The following SOX5 variants were observed in gnomAD, a reference collection of about 807,000 sequenced individuals.
The protein encoded by SOX5 is SRY-box transcription factor 5, also known as transcription factor SOX-5.
A neutral mutation model predicts 92.0 loss-of-function variants in SOX5; 9 were observed. The observed-to-expected ratio is 0.10, with a 90% CI of 0.06 to 0.17. The LOEUF is 0.17. Ranked by LOEUF, SOX5 falls within the 10% of genes least tolerant of loss-of-function variation. The pLI is 1.00. For missense variants in SOX5, 642 were observed against 944.5 expected (o/e 0.68, Z 4.20); for synonymous variants, 344 against 336.3 (o/e 1.02, Z -0.25).
At chr12:24,282,849 A>G (rs1315268238) in intron 2 of SOX5, among the ~76,000 whole-genome samples, 2 of 152,182 alleles carry the variant, frequency 1.3e-5, no homozygotes, top group Non-Finnish European at 2.9e-5. Context: ...CTTGCCATCC[A>G]TTCTTTAAAA....
chr12:24,457,462 A>AT (rs1651817329), intron 1 of SOX5, among the ~76,000 whole-genome samples: 1 of 152,136 alleles, frequency 6.6e-6, no homozygotes, highest in Non-Finnish European at 1.5e-5. Flanking sequence ...AATCTAAGTA[A>AT]TTTTTTAAGA....
chr12:23,676,007 T>C (rs2085621608), intron 6 of SOX5, among the ~76,000 whole-genome samples: 1 of 152,000 alleles, frequency 6.6e-6, no homozygotes, highest in Non-Finnish European at 1.5e-5. Flanking sequence ...GGCAAGCGTA[T>C]AGAGAAAAGG....
At chr12:24,308,590 T>C (rs1025377725) in intron 2 of SOX5, among the ~76,000 whole-genome samples, 15 of 152,176 alleles carry the variant, frequency 9.9e-5, no homozygotes, top group Admixed American at 9.8e-4. Flanking sequence ...GTGACTTGGA[T>C]AACACTACTA....
intron 8 of SOX5, among the ~76,000 whole-genome samples, chr12:23,620,339 C>T (rs1297692265): frequency 6.6e-6 from 1 of 151,956 alleles, no homozygotes; most frequent in Non-Finnish European, 1.5e-5. Context: ...CAAGATTAGT[C>T]TAGACATAAT....
chr12:24,446,044 A>C lies in SOX5; in HGVS notation c.-250-77405T>G, dbSNP rs150950757. Reference sequence around the variant, plus strand: ...TAAGTGCTACTCAGAAGAAATCATGAGGCCTTTTGCAACCAGCATTTAACA... The same window carrying C: ...TAAGTGCTACTCAGAAGAAATCATGCGGCCTTTTGCAACCAGCATTTAACA... On this transcript the variant is annotated intron_variant, in intron 1 of 4. Coordinates refer to the SOX5 transcript ENST00000446891. Among the ~76,000 whole-genome samples, 574 of 152,308 alleles carry C rather than the reference A, an allele frequency of 3.8e-3. 5 individuals are homozygous for C. Among genetic ancestry groups the C allele is most frequent in the African/African-American group, 0.013 (534 of 41,572 alleles).
chr12:23,616,180 G>A (rs936982460), intron 8 of SOX5, among the ~76,000 whole-genome samples: 31 of 152,164 alleles, frequency 2.0e-4, no homozygotes, highest in African/African-American at 5.6e-4. Flanking sequence ...CTAAGGTGAC[G>A]CCTGGAAAAA....
intron 2 of SOX5, chr12:24,368,554 T>C (rs1566001952): frequency 1.3e-5 from 2 of 152,180 alleles, no homozygotes; most frequent in Admixed American, 6.6e-5. Context: ...GAATAAACAT[T>C]GTACATACCC....
intron 4 of SOX5, among the ~76,000 whole-genome samples, chr12:24,112,293 A>AT (rs1947448751): frequency 6.6e-6 from 1 of 152,204 alleles, no homozygotes; most frequent in Non-Finnish European, 1.5e-5. Flanking sequence ...AAAAAGTTTT[A>AT]TGGAAACATA....
chr12:23,873,905 T>C (rs1471445660), intron 2 of SOX5, among the ~76,000 whole-genome samples: 4 of 152,288 alleles, frequency 2.6e-5, no homozygotes, highest in African/African-American at 7.2e-5. Flanking sequence ...ATTTTTCCAA[T>C]ACTTTGATTA....
At chr12:24,558,778 C>G (rs1373988237) in intron 1 of SOX5, among the ~76,000 whole-genome samples, 1 of 152,154 alleles carries the variant, frequency 6.6e-6, no homozygotes, top group Non-Finnish European at 1.5e-5. Flanking sequence ...AAGTAAACAA[C>G]AAAGACCCCA....
chr12:24,256,072 A>G (rs1007597441), intron 3 of SOX5, among the ~76,000 whole-genome samples: 2 of 152,240 alleles, frequency 1.3e-5, no homozygotes, highest in Non-Finnish European at 2.9e-5. Flanking sequence ...CAGTTTGCTC[A>G]AAGTGTGCAA....
At chr12:24,247,221 A>C (rs1348026326) in intron 3 of SOX5, among the ~76,000 whole-genome samples, 1 of 141,352 alleles carries the variant, frequency 7.1e-6, no homozygotes, top group East Asian at 2.1e-4. Context: ...CTGTTAGTTT[A>C]GAAGGGAGAT....
rs1946544719 is a variant in SOX5, at chr12:23,563,388, T to C, written c.1358A>G (p.His453Arg). Reference protein sequence around the residue: ...RVSTIGYLNDHDAVTKAIQEA... With the variant: ...RVSTIGYLNDRDAVTKAIQEA... Reference sequence around the variant, plus strand: ...TTGGATTGCCTTGGTGACAGCATCATGGTCATTTAAGTAACCTGAACATGA... The same window carrying C: ...TTGGATTGCCTTGGTGACAGCATCACGGTCATTTAAGTAACCTGAACATGA... Residue 453 changes from histidine to arginine, a missense_variant, in exon 11 of 15, where the codon CAT becomes CGT. Physicochemically the swap from His to Arg is conservative, Grantham distance 29. Around this residue, in one of 8 missense-constraint regions of SOX5, gnomAD observed 324 missense variants for 461.6 expected, o/e 0.70. Transcript: ENST00000451604. The C allele has an allele frequency of 1.9e-6, 3 of 1,613,974 alleles. No homozygotes were observed. Among genetic ancestry groups the C allele is most frequent in the South Asian group, 2.2e-5 (2 of 91,070 alleles).
intron 4 of SOX5, among the ~76,000 whole-genome samples, chr12:24,076,159 G>C (rs1942561843): frequency 6.6e-6 from 1 of 152,044 alleles, no homozygotes; most frequent in Non-Finnish European, 1.5e-5. Flanking sequence ...ATCTGGGTTT[G>C]GGTGGCTTGT....
At chr12:24,177,751 A>C (rs1954984675) in intron 4 of SOX5, among the ~76,000 whole-genome samples, 1 of 151,500 alleles carries the variant, frequency 6.6e-6, no homozygotes, top group African/African-American at 2.4e-5. Flanking sequence ...TAACACTCAC[A>C]GGGTCACTAG....
intron 1 of SOX5, among the ~76,000 whole-genome samples, chr12:24,528,227 T>A (rs1566397243): frequency 6.6e-6 from 1 of 152,236 alleles, no homozygotes; most frequent in Admixed American, 6.5e-5. Flanking sequence ...CAAGATCTCA[T>A]TTATACAAAG....
At chr12:24,506,243 T>C (rs1948730738) in intron 1 of SOX5, among the ~76,000 whole-genome samples, 2 of 152,274 alleles carry the variant, frequency 1.3e-5, no homozygotes, top group East Asian at 1.9e-4. Flanking sequence ...TGGAATACCA[T>C]AATTTAGCAA....
intron 1 of SOX5, among the ~76,000 whole-genome samples, chr12:24,399,273 G>A (rs1206871584): frequency 6.6e-6 from 1 of 152,150 alleles, no homozygotes; most frequent in East Asian, 1.9e-4. Flanking sequence ...GGACCCATAG[G>A]AGTGAAGGAC....
intron 4 of SOX5, among the ~76,000 whole-genome samples, chr12:23,991,883 G>T (rs78159406): frequency 0.055 from 8,309 of 151,640 alleles, 324 homozygotes; most frequent in Non-Finnish European, 0.088. Flanking sequence ...ACTTTAACCT[G>T]GTTTTAATAC....
Sources: gnomAD v4.1 joint callset for allele counts (sites outside exome capture counted in the v4.1 genomes callset) on GRCh38, gnomAD v4.1.1 for gene constraint, gnomAD v4.1.1 regional missense constraint, MANE v1.5 for transcripts, NCBI Gene and HGNC (gene_info 2026-07-23, HGNC 2026-07-21) for gene names.